SYNJ2: variants seen among roughly 807,000 people sequenced by gnomAD.
SYNJ2 encodes synaptojanin 2, also known as polyphosphatidylinositol phosphatase SYNJ2.
In SYNJ2, 116 loss-of-function variants were observed where a neutral mutation model predicts 141.3. The observed-to-expected ratio is 0.82, with a 90% CI of 0.71 to 0.96. SYNJ2 has a LOEUF of 0.96. SYNJ2 is among the 40% of genes least tolerant of loss of function. SYNJ2 has a pLI of 0.00. For missense variants in SYNJ2, 1,873 were observed against 1,934.8 expected (o/e 0.97, Z 0.60); for synonymous variants, 745 against 777.7 (o/e 0.96, Z 0.70).
In SYNJ2 at chr6:158,043,463, A is replaced by G. The variant is rs921061517; in HGVS notation, c.795+64A>G. ...TGTCCGCCCTGCCCTTCCCTTCAATAGCTGGGGAAGATTTCTTTTAACACG... is the reference window on the plus strand; with the variant it reads ...TGTCCGCCCTGCCCTTCCCTTCAATGGCTGGGGAAGATTTCTTTTAACACG... On this transcript the variant is annotated intron_variant, in intron 5 of 26. Coordinates refer to ENST00000355585, the MANE Select transcript of SYNJ2 (RefSeq NM_003898.4). The surrounding 1 kb of genome is among the most constrained non-coding windows in gnomAD (Gnocchi z 4.0). The G allele has an allele frequency of 9.3e-6, 11 of 1,183,486 alleles. No individual in the cohort carries two copies. The highest frequency in any genetic ancestry group is 1.2e-5 in the Non-Finnish European group (10 of 805,752). The allele number at this position is 1,183,486 out of a possible 1,614,324, so 73.3% of individuals were successfully genotyped here.
intron 6 of SYNJ2, among the ~76,000 whole-genome samples, chr6:158,058,728 A>T (rs1781023547): frequency 6.6e-6 from 1 of 152,206 alleles, no homozygotes; most frequent in African/African-American, 2.4e-5. Context: ...GGAGTTCGAG[A>T]CCAGCCTGGA....
chr6:158,071,522 G>C lies in SYNJ2; in HGVS notation c.1941-80G>C. On this transcript the variant is annotated intron_variant, in intron 14 of 26. Coordinates refer to ENST00000355585, the MANE Select transcript of SYNJ2 (RefSeq NM_003898.4). The surrounding 1 kb of genome is among the most constrained non-coding windows in gnomAD (Gnocchi z 4.3). ...TCAGAGCAGCAGGTCCCGAGCTGCTGCTGGGCCCTTCTCTGTGGCAAAGCA... is the reference window on the plus strand; with the variant it reads ...TCAGAGCAGCAGGTCCCGAGCTGCTCCTGGGCCCTTCTCTGTGGCAAAGCA... The C allele has an allele frequency of 6.6e-7, 1 of 1,515,800 alleles. No homozygotes were observed. Among genetic ancestry groups the C allele is most frequent in the Non-Finnish European group, 8.9e-7 (1 of 1,121,272 alleles). The allele number at this position is 1,515,800 out of a possible 1,614,324, so 93.9% of individuals were successfully genotyped here.
intron 2 of SYNJ2, chr6:158,028,424 C>A: frequency 2.8e-6 from 1 of 356,274 alleles, no homozygotes; most frequent in South Asian, 3.1e-5. Context: ...TTTTCAGACT[C>A]CTGGGGGCAT....
In SYNJ2 at chr6:158,062,211, G is replaced by A. The variant is rs112023068; in HGVS notation, c.1127+47G>A. The stretch of plus-strand genomic sequence containing the variant: ...GCCGCGTCTTCTGCTGGGGGGAAGC[G>A]TCAGTCCACGGTGAGGCTCGCTGCG... On this transcript the variant is annotated intron_variant, in intron 8 of 26. Transcript: ENST00000355585. 2.5e-3 allele frequency: 4,032 copies of A among 1,593,808 alleles called. 91 individuals carry two copies. In the African/African-American group the frequency reaches 0.046, roughly 18 times the overall value.
At chr6:157,997,032 C>A (rs1317337422) in intron 1 of SYNJ2, among the ~76,000 whole-genome samples, 1 of 143,450 alleles carries the variant, frequency 7.0e-6, no homozygotes, top group East Asian at 2.1e-4. Context: ...ACCCCACCCC[C>A]CCCCACCCAG....
chr6:158,098,442 T>G lies in SYNJ2; in HGVS notation c.*2078T>G, dbSNP rs1783898325. On this transcript the variant is annotated 3_prime_UTR_variant, in exon 27 of 27. Transcript: ENST00000355585. ...AAAAAGTTACGAGGAGTTTAAGAGT[T>G]AAATATTATTTGATCGTGGCTGTCA... The G allele has an allele frequency of 6.6e-6, 1 of 152,112 alleles. No homozygotes were observed. Among genetic ancestry groups the G allele is most frequent in the Non-Finnish European group, 1.5e-5 (1 of 68,024 alleles). The allele number at this position is 152,112 out of a possible 1,614,324, so 9.4% of individuals were successfully genotyped here.
chr6:158,043,621 T>G lies in SYNJ2; in HGVS notation c.795+222T>G, dbSNP rs968165794. Among the ~76,000 whole-genome samples the G allele has an allele frequency of 1.3e-5, 2 of 152,224 alleles. No homozygotes were observed. The highest frequency in any genetic ancestry group is 2.9e-5 in the Non-Finnish European group (2 of 68,036). On this transcript the variant is annotated intron_variant, in intron 5 of 26. Transcript: ENST00000355585. This position sits in a 1 kb window ranked among gnomAD's most constrained non-coding sequence, Gnocchi z 4.0. ...AAAACACAGACACCACTTTGTTGTTTCTGGTCGTCAAGGATGCTGTGTGAA... is the reference window on the plus strand; with the variant it reads ...AAAACACAGACACCACTTTGTTGTTGCTGGTCGTCAAGGATGCTGTGTGAA...
At chr6:158,034,055 A>G (rs1050224719) in intron 4 of SYNJ2, among the ~76,000 whole-genome samples, 2 of 152,236 alleles carry the variant, frequency 1.3e-5, no homozygotes, top group African/African-American at 4.8e-5. Flanking sequence ...GATCAATACA[A>G]TGGGGGGATG....
At chr6:158,093,435 CAAAAAAAAAAA>C (rs1004076513) in intron 26 of SYNJ2, among the ~76,000 whole-genome samples, 2 of 51,524 alleles carry the variant, frequency 3.9e-5, no homozygotes, top group African/African-American at 1.6e-4. Flanking sequence ...GACTCCACCT[CAAAAAAAAAAA>C]AAACAAAAAA....
intron 1 of SYNJ2, chr6:158,001,337 C>T (rs931742769): frequency 6.6e-6 from 1 of 152,010 alleles, no homozygotes; most frequent in African/African-American, 2.4e-5. Flanking sequence ...CCCCCTCACA[C>T]CTGATGATTT....
intron 5 of SYNJ2, among the ~76,000 whole-genome samples, chr6:158,049,268 T>C (rs932023059): frequency 2.6e-5 from 4 of 152,048 alleles, no homozygotes; most frequent in African/African-American, 7.2e-5. Flanking sequence ...GAAGGGAAGC[T>C]ACAAAATGCA....
chr6:158,081,290 C>G lies in SYNJ2; in HGVS notation c.2749C>G (p.Gln917Glu). The change falls in exon 19 of 27, where the codon CAG becomes GAG. Residue 917 changes from glutamine (Q) to glutamate (E), a missense_variant. Transcript: ENST00000355585. Reference protein sequence around the residue: ...FPEDLRTELMQTLGSYGTIVL... With the variant: ...FPEDLRTELMETLGSYGTIVL... ...AGAGGACCTGCGTACTGAGCTCATG[C>G]AGACCTTGGGGAGTTATGGGACAAT... is the stretch of plus-strand genomic sequence containing the variant. The G allele has an allele frequency of 6.2e-7, 1 of 1,614,172 alleles. No homozygotes were observed. The highest frequency in any genetic ancestry group is 8.5e-7 in the Non-Finnish European group (1 of 1,180,032).
rs532992846 is a variant in SYNJ2 at position 158,074,032 on chromosome 6, A to G, written c.2134-548A>G. On this transcript the variant is annotated intron_variant, in intron 15 of 26. Transcript: ENST00000355585. Reference sequence around the variant, plus strand: ...TCTTCCCCATTCCTGGGGAAGAGACAGGGAAGGCAAGGACCCCAGGAGCTC... The same window carrying G: ...TCTTCCCCATTCCTGGGGAAGAGACGGGGAAGGCAAGGACCCCAGGAGCTC... Among the ~76,000 whole-genome samples, 12 of 152,182 alleles carry G rather than the reference A, an allele frequency of 7.9e-5. No homozygotes were observed. In the East Asian group the frequency reaches 1.7e-3, roughly 22 times the overall value.
intron 6 of SYNJ2, among the ~76,000 whole-genome samples, chr6:158,057,859 C>T (rs1335079634): frequency 6.6e-6 from 1 of 152,240 alleles, no homozygotes; most frequent in Non-Finnish European, 1.5e-5. Context: ...AGAAAGCCCA[C>T]AAGGGCTGAA....
At chr6:157,985,253 TCTTCA>T (rs536324934) in intron 1 of SYNJ2, among the ~76,000 whole-genome samples, 4,183 of 152,326 alleles carry the variant, frequency 0.027, 196 homozygotes, top group African/African-American at 0.095. Context: ...TCTTCACCTG[TCTTCA>T]CCTGTCCTGC....
At chr6:158,068,810 G>C in intron 13 of SYNJ2, 82 bp downstream of exon 13, 1 of 1,480,828 alleles carries the variant, frequency 6.8e-7, no homozygotes, top group Non-Finnish European at 9.4e-7. Context: ...GAGGCTCTCC[G>C]GGAGCCAGCC....
chr6:158,033,574 AG>A lies in SYNJ2; in HGVS notation c.607del (p.Ala203ProfsTer21). On this transcript the variant is annotated frameshift_variant, in exon 4 of 27. Coordinates refer to ENST00000355585, the MANE Select transcript of SYNJ2 (RefSeq NM_003898.4). LOFTEE classifies it high-confidence loss of function. ...GTGTATGCCTCCCACAAGCAGGCCA[AG>A]GCCTGCCTCGTCTCTCGCGTTAGCT... The part of the protein sequence containing the change: ...RTVYASHKQA[K>X]ACLVSRVSCE... 1 of 1,614,096 alleles carries A rather than the reference AG, an allele frequency of 6.2e-7. No individual in the cohort carries two copies. The highest frequency in any genetic ancestry group is 1.7e-5 in the Admixed American group (1 of 60,034).
In SYNJ2 at chr6:158,081,605, C is replaced by CTT. The variant is rs60234675; in HGVS notation, c.2865+124_2865+125dup. ...TTCCTCCTCTTGCCCTGACCTGTGC[C>CTT]TTTTTTTTTTTTTTTTTTTTTTTTT... is the stretch of plus-strand genomic sequence containing the variant. On this transcript the variant is annotated intron_variant, in intron 20 of 26. Transcript: ENST00000355585. 6.9e-3 allele frequency: 1,464 copies of CTT among 212,720 alleles called. 69 individuals carry two copies. The highest frequency in any genetic ancestry group is 0.027 in the African/African-American group (410 of 15,030). The allele number at this position is 212,720 out of a possible 1,614,324, so 13.2% of individuals were successfully genotyped here.
At chr6:158,004,862 CTA>C (rs1777993068) in intron 1 of SYNJ2, among the ~76,000 whole-genome samples, 2 of 152,008 alleles carry the variant, frequency 1.3e-5, no homozygotes, top group East Asian at 1.9e-4. Context: ...TCATTTCTCA[CTA>C]TGAGTCTGGC....
Sources: allele counts gnomAD v4.1 joint callset (sites outside exome capture counted in the v4.1 genomes callset), GRCh38; gene constraint gnomAD v4.1.1; non-coding constraint Gnocchi (gnomAD v3.1); transcripts MANE v1.5; gene names NCBI Gene and HGNC (gene_info 2026-07-23, HGNC 2026-07-21).